Variants in MLLT3 observed in about 807,000 individuals in gnomAD.
The protein encoded by MLLT3 is MLLT3 super elongation complex subunit, also known as protein AF-9.
A neutral mutation model predicts 53.2 loss-of-function variants in MLLT3; 4 were observed. That is an observed-to-expected ratio of 0.08 (90% confidence interval 0.04 to 0.17). MLLT3 has a LOEUF of 0.17. Among genes scored for constraint, MLLT3 ranks in the 10% least tolerant of loss-of-function variants. The probability of loss-of-function intolerance (pLI) is 1.00; values close to 1 mark genes in which losing one functional copy is unlikely to be tolerated. For missense variants in MLLT3, 569 were observed against 684.0 expected (o/e 0.83, Z 1.87); for synonymous variants, 283 against 230.6 (o/e 1.23, Z -2.06).
chr9:20,492,857 T>G (rs957671816), intron 2 of MLLT3, among the ~76,000 whole-genome samples: 7 of 152,082 alleles, frequency 4.6e-5, no homozygotes, highest in South Asian at 2.1e-4. Context: ...GTCTATAAAT[T>G]TAATGCCATA....
intron 2 of MLLT3, among the ~76,000 whole-genome samples, chr9:20,560,911 A>G (rs1819192820): frequency 6.6e-6 from 1 of 152,126 alleles, no homozygotes; most frequent in Non-Finnish European, 1.5e-5. Context: ...ATTTCTACGT[A>G]TTGGTAACAT....
At chr9:20,552,302 T>C (rs1818944225) in intron 2 of MLLT3, among the ~76,000 whole-genome samples, 1 of 152,200 alleles carries the variant, frequency 6.6e-6, no homozygotes, top group East Asian at 1.9e-4. Flanking sequence ...GTTAAGTCAC[T>C]TGCAAAAGAC....
intron 2 of MLLT3, among the ~76,000 whole-genome samples, chr9:20,611,519 A>T (rs1270244108): frequency 1.3e-5 from 2 of 152,146 alleles, no homozygotes; most frequent in African/African-American, 4.8e-5. Flanking sequence ...AAAATCAAAT[A>T]TTTTAAAATA....
intron 2 of MLLT3, among the ~76,000 whole-genome samples, chr9:20,462,363 A>T (rs988479055): frequency 6.6e-6 from 1 of 152,176 alleles, no homozygotes; most frequent in African/African-American, 2.4e-5. Context: ...AAATACATTG[A>T]GTTGTATGTT....
intron 4 of MLLT3, among the ~76,000 whole-genome samples, chr9:20,423,508 C>T (rs1372335624): frequency 5.9e-5 from 9 of 152,026 alleles, no homozygotes; most frequent in South Asian, 4.2e-4. Context: ...CAACCAACCA[C>T]GGACCAAGAA....
intron 4 of MLLT3, among the ~76,000 whole-genome samples, chr9:20,425,209 G>A (rs541129537): frequency 6.6e-6 from 1 of 152,106 alleles, no homozygotes; most frequent in South Asian, 2.1e-4. Flanking sequence ...ATTTAAAATG[G>A]TGTCATATTA....
chr9:20,621,024 G>T lies in MLLT3; in HGVS notation c.13-190C>A, dbSNP rs529057238. The T allele has an allele frequency of 1.4e-3, 994 of 734,198 alleles. 4 individuals are homozygous for T. The highest frequency in any genetic ancestry group is 2.1e-3 in the Non-Finnish European group (893 of 419,232). 45.5% of individuals were successfully genotyped at this position (734,198 alleles called of 1,614,324 possible). A position where few individuals can be genotyped will look rare whatever the true frequency, so the allele number is the denominator to read the frequency against. The stretch of plus-strand genomic sequence containing the variant: ...ACCCCCAAATATACCCGCCCGCCCG[G>T]CCCGGCTTGGCCCCAGGCGCCCCGG... On this transcript the variant is annotated intron_variant, in intron 1 of 10. Coordinates refer to ENST00000380338, the MANE Select transcript of MLLT3 (RefSeq NM_004529.4). This position sits in a 1 kb window ranked among gnomAD's most constrained non-coding sequence, Gnocchi z 7.0.
chr9:20,521,169 C>T (rs890013647), intron 2 of MLLT3, among the ~76,000 whole-genome samples: 1 of 151,976 alleles, frequency 6.6e-6, no homozygotes, highest in African/African-American at 2.4e-5. Flanking sequence ...CTCCTGAGTT[C>T]AAGCGATTCT....
At chr9:20,360,977 C>G (rs1441207882) in intron 7 of MLLT3, 136 bp from the exon 8 acceptor site, 1 of 706,472 alleles carries the variant, frequency 1.4e-6, no homozygotes, top group African/African-American at 1.8e-5. Flanking sequence ...GCCGCTAACA[C>G]ATATTGGTGC....
chr9:20,487,133 TA>T (rs1450567061), intron 2 of MLLT3, among the ~76,000 whole-genome samples: 1 of 152,098 alleles, frequency 6.6e-6, no homozygotes, highest in Admixed American at 6.5e-5. Flanking sequence ...ATTAGCTAAA[TA>T]AAAAGGTCCT....
At chr9:20,425,856 T>C (rs1295381501) in intron 4 of MLLT3, among the ~76,000 whole-genome samples, 1 of 151,976 alleles carries the variant, frequency 6.6e-6, no homozygotes, top group African/African-American at 2.4e-5. Context: ...TCTAAAGAAT[T>C]TAAGGTAAAC....
chr9:20,571,356 A>G (rs1470757438), intron 2 of MLLT3, among the ~76,000 whole-genome samples: 1 of 152,224 alleles, frequency 6.6e-6, no homozygotes, highest in Non-Finnish European at 1.5e-5. Context: ...AGGAGAAAAT[A>G]TTTGCAAAAC....
intron 5 of MLLT3, among the ~76,000 whole-genome samples, chr9:20,376,242 T>C (rs1586902397): frequency 6.6e-6 from 1 of 152,200 alleles, no homozygotes; most frequent in Admixed American, 6.5e-5. Flanking sequence ...ACATCTCTTT[T>C]TAGTAGATGC....
chr9:20,584,715 T>A lies in MLLT3; in HGVS notation c.193+35939A>T, dbSNP rs529305670. 7.9e-5 allele frequency among the ~76,000 whole-genome samples: 12 copies of A among 152,248 alleles called. 1 individual carries two copies. In the South Asian group the frequency reaches 2.3e-3, roughly 29 times the overall value. On this transcript the variant is annotated intron_variant, in intron 2 of 10. Coordinates refer to ENST00000380338, the MANE Select transcript of MLLT3 (RefSeq NM_004529.4). The stretch of plus-strand genomic sequence containing the variant: ...AAGACCAGGCCCCAAGATTCAATTA[T>A]CTCCCCCTAGGTCCCTCCCAAAACA...
chr9:20,400,894 T>A (rs1305166487), intron 5 of MLLT3, among the ~76,000 whole-genome samples: 5 of 152,202 alleles, frequency 3.3e-5, no homozygotes, highest in Admixed American at 2.0e-4. Context: ...TATATCCTTT[T>A]GCATATTTTC....
intron 2 of MLLT3, among the ~76,000 whole-genome samples, chr9:20,507,292 C>T (rs745488207): frequency 4.6e-5 from 7 of 152,162 alleles, no homozygotes; most frequent in Non-Finnish European, 1.0e-4. Context: ...GAGCATCTTT[C>T]GGCAATCTAC....
intron 5 of MLLT3, 44 bp downstream of exon 5, chr9:20,413,677 T>C: frequency 6.8e-7 from 1 of 1,471,740 alleles, no homozygotes; most frequent in Admixed American, 2.3e-5. Context: ...CAAAATAAAA[T>C]CTGAAAATAA....
intron 6 of MLLT3, among the ~76,000 whole-genome samples, chr9:20,364,757 C>G (rs1259805306): frequency 6.6e-6 from 1 of 152,158 alleles, no homozygotes; most frequent in African/African-American, 2.4e-5. Flanking sequence ...TCAAAGCCAT[C>G]AGGAATTCAG....
chr9:20,390,421 A>C (rs1276231538), intron 5 of MLLT3, among the ~76,000 whole-genome samples: 3 of 152,240 alleles, frequency 2.0e-5, no homozygotes, highest in African/African-American at 7.2e-5. Context: ...CACTGATCCC[A>C]AAATAATCAT....
Sources: allele counts gnomAD v4.1 joint callset (sites outside exome capture counted in the v4.1 genomes callset), GRCh38; gene constraint gnomAD v4.1.1; non-coding constraint Gnocchi (gnomAD v3.1); transcripts MANE v1.5; gene names NCBI Gene and HGNC (gene_info 2026-07-23, HGNC 2026-07-21).